Variants in LINGO2 observed in about 807,000 individuals in gnomAD.
LINGO2 encodes the protein leucine-rich repeat and immunoglobulin-like domain-containing nogo receptor-interacting protein 2.
In LINGO2, 14 loss-of-function variants were observed where a neutral mutation model predicts 30.6. The observed-to-expected ratio is 0.46, with a 90% CI of 0.30 to 0.72. The LOEUF (loss-of-function observed/expected upper bound fraction) is 0.72. Among genes scored for constraint, LINGO2 ranks in the 30% least tolerant of loss-of-function variants. The probability of loss-of-function intolerance (pLI) is 0.07; values close to 1 mark genes in which losing one functional copy is unlikely to be tolerated. For synonymous variants in LINGO2, 317 were observed against 288.5 expected (o/e 1.10, Z -1.00); for missense variants, 729 against 751.7 (o/e 0.97, Z 0.35).
the LINGO2 span, among the ~76,000 whole-genome samples, chr9:29,059,314 A>G: frequency 0.041 from 6,218 of 151,662 alleles, 197 homozygotes; most frequent in Admixed American, 0.082. Flanking sequence ...ACAGCATAAA[A>G]ATTACAAAAT....
the LINGO2 span, among the ~76,000 whole-genome samples, chr9:28,845,934 T>C: frequency 6.6e-6 from 1 of 151,618 alleles, no homozygotes; most frequent in Admixed American, 6.6e-5. Context: ...ATTAGCCCAC[T>C]GGAGGTACAA....
the LINGO2 span, among the ~76,000 whole-genome samples, chr9:28,762,275 C>T: frequency 7.3e-5 from 11 of 151,510 alleles, no homozygotes; most frequent in South Asian, 1.0e-3. Flanking sequence ...GTCATGGAGA[C>T]GTATTTATAA....
chr9:28,246,076 T>G (rs1250723769), intron 4 of LINGO2, among the ~76,000 whole-genome samples: 1 of 152,118 alleles, frequency 6.6e-6, no homozygotes, highest in Admixed American at 6.6e-5. Context: ...CAAAACACTA[T>G]GGTACTGGTA....
chr9:28,596,078 A>G (rs1825161480), intron 1 of LINGO2, among the ~76,000 whole-genome samples: 1 of 152,186 alleles, frequency 6.6e-6, no homozygotes, highest in African/African-American at 2.4e-5. Flanking sequence ...GGAACTTTTT[A>G]CTGTAACTTT....
rs148587932 is a variant in LINGO2 at position 28,628,032 on chromosome 9, A to T, written c.-365+42168T>A. The stretch of plus-strand genomic sequence containing the variant: ...TCTCTGTTTCTATCTCAATAATACC[A>T]TTCTTCATGGCTGTAGCATAGTTTT... On this transcript the variant is annotated intron_variant, in intron 1 of 5. Transcript: ENST00000379992. 2.8e-3 allele frequency among the ~76,000 whole-genome samples: 419 copies of T among 152,146 alleles called. 4 individuals are homozygous for T. The highest frequency in any genetic ancestry group is 8.9e-3 in the African/African-American group (370 of 41,532).
chr9:28,090,499 T>G (rs902189280), intron 4 of LINGO2, among the ~76,000 whole-genome samples: 4 of 152,078 alleles, frequency 2.6e-5, no homozygotes, highest in African/African-American at 9.7e-5. Flanking sequence ...AAAAGGCCTT[T>G]GACAAAATTC....
chr9:28,573,101 C>T (rs1292326006), intron 1 of LINGO2, among the ~76,000 whole-genome samples: 2 of 152,102 alleles, frequency 1.3e-5, no homozygotes, highest in Non-Finnish European at 2.9e-5. Flanking sequence ...TTTCTAGGAA[C>T]TAACTGGATT....
chr9:28,956,993 T>A, the LINGO2 span, among the ~76,000 whole-genome samples: 1 of 152,014 alleles, frequency 6.6e-6, no homozygotes, highest in South Asian at 2.1e-4. Flanking sequence ...AAAACCCTTA[T>A]GAATCCAGGA....
intron 2 of LINGO2, among the ~76,000 whole-genome samples, chr9:28,389,338 T>C (rs1821730751): frequency 2.0e-5 from 3 of 152,166 alleles, no homozygotes. Flanking sequence ...AAGATAATGT[T>C]TGTCTTCAAA....
chr9:28,226,642 G>GGAAA lies in LINGO2; in HGVS notation c.-87+68562_-87+68565dup, dbSNP rs397959896. ...AGGAAAGAAGGAAAGAAGGAAAGAA[G>GGAAA]GAAAGAAAGAAAGAAAGAAAGAAAG... On this transcript the variant is annotated intron_variant, in intron 4 of 5. Coordinates refer to ENST00000379992, the Ensembl canonical transcript of LINGO2. Among the ~76,000 whole-genome samples, 214 of 53,222 alleles carry GGAAA rather than the reference G, an allele frequency of 4.0e-3. 1 individual carries two copies. Among genetic ancestry groups the GGAAA allele is most frequent in the African/African-American group, 0.01 (147 of 14,350 alleles). 34.9% of individuals were successfully genotyped at this position (53,222 alleles called of 152,430 possible). A position where few individuals can be genotyped will look rare whatever the true frequency, so the allele number is the denominator to read the frequency against.
At chr9:29,153,577 A>T in the LINGO2 span, among the ~76,000 whole-genome samples, 2 of 152,220 alleles carry the variant, frequency 1.3e-5, no homozygotes, top group Non-Finnish European at 2.9e-5. Context: ...AATAGATATT[A>T]TATCTTGTGT....
At chr9:28,008,187 T>C (rs1168373181) in intron 5 of LINGO2, among the ~76,000 whole-genome samples, 1 of 152,164 alleles carries the variant, frequency 6.6e-6, no homozygotes, top group Admixed American at 6.5e-5. Context: ...TCAAAGATTA[T>C]GTTGCTGAGT....
intron 5 of LINGO2, among the ~76,000 whole-genome samples, chr9:27,952,183 A>T (rs569781945): frequency 3.3e-5 from 5 of 152,218 alleles, no homozygotes; most frequent in Admixed American, 6.5e-5. Flanking sequence ...TAATTTAAAA[A>T]AAATTTTCTT....
the LINGO2 span, among the ~76,000 whole-genome samples, chr9:29,085,618 T>C: frequency 1.3e-5 from 2 of 152,064 alleles, no homozygotes; most frequent in African/African-American, 2.4e-5. Flanking sequence ...TATCAAGAAA[T>C]AGCTTAGAAG....
At chr9:28,842,947 T>C in the LINGO2 span, among the ~76,000 whole-genome samples, 3 of 151,830 alleles carry the variant, frequency 2.0e-5, no homozygotes, top group Non-Finnish European at 4.4e-5. Context: ...CTCAGAAATG[T>C]GACAATTAGA....
chr9:28,561,749 GTATA>G lies in LINGO2; in HGVS notation c.-364-85728_-364-85725del, dbSNP rs1554637723. ...TATATATAATTTTGTGTGTGTGTGTGTATATATATATATATATATATATATATAT... is the reference window on the plus strand; with the variant it reads ...TATATATAATTTTGTGTGTGTGTGTGTATATATATATATATATATATATAT... On this transcript the variant is annotated intron_variant, in intron 1 of 5. Coordinates refer to ENST00000379992, the Ensembl canonical transcript of LINGO2. 6.0e-4 allele frequency among the ~76,000 whole-genome samples: 29 copies of G among 48,718 alleles called. 3 individuals carry two copies. Among genetic ancestry groups the G allele is most frequent in the African/African-American group, 1.7e-3 (16 of 9,394 alleles). The allele number at this position is 48,718 out of a possible 152,430, so 32.0% of individuals were successfully genotyped here.
Position 28,629,284 on chromosome 9 carries a change from G to A in LINGO2, c.-365+40916C>T, listed in dbSNP as rs148908130. 2.3e-3 allele frequency among the ~76,000 whole-genome samples: 347 copies of A among 152,106 alleles called. 2 individuals are homozygous for A. The highest frequency in any genetic ancestry group is 3.9e-3 in the Non-Finnish European group (263 of 67,970). Reference sequence around the variant, plus strand: ...ATGGGAGCCACTGGACAATTTCCAGGGCACAGAGAATGTATTATAAACTGT... The same window carrying A: ...ATGGGAGCCACTGGACAATTTCCAGAGCACAGAGAATGTATTATAAACTGT... On this transcript the variant is annotated intron_variant, in intron 1 of 5. Transcript: ENST00000379992.
intron 1 of LINGO2, among the ~76,000 whole-genome samples, chr9:28,484,977 C>A (rs746635189): frequency 6.6e-6 from 1 of 152,044 alleles, no homozygotes; most frequent in Non-Finnish European, 1.5e-5. Flanking sequence ...TCATGACTCT[C>A]CCCTCAAACA....
the LINGO2 span, among the ~76,000 whole-genome samples, chr9:29,172,526 G>T: frequency 6.6e-6 from 1 of 151,868 alleles, no homozygotes; most frequent in Non-Finnish European, 1.5e-5. Context: ...AAATGATTAG[G>T]TTTTAAATTT....
Sources: allele counts gnomAD v4.1 joint callset (sites outside exome capture counted in the v4.1 genomes callset), GRCh38; gene constraint gnomAD v4.1.1; transcripts MANE v1.5; gene names NCBI Gene and HGNC (gene_info 2026-07-23, HGNC 2026-07-21).